The following TMEM132D variants were observed in gnomAD, a reference collection of about 807,000 sequenced individuals.
The protein encoded by TMEM132D is transmembrane protein 132D, also known as mature OL transmembrane protein.
TMEM132D carries 21 observed loss-of-function variants against 62.3 expected under a neutral mutation model. The observed-to-expected ratio is 0.34, with a 90% CI of 0.24 to 0.49. TMEM132D has a LOEUF of 0.49. Among genes scored for constraint, TMEM132D ranks in the 20% least tolerant of loss-of-function variants. The pLI, the probability that TMEM132D is intolerant of heterozygous loss-of-function variation, is 0.99. For missense variants in TMEM132D, 1,346 were observed against 1,402.8 expected (o/e 0.96, Z 0.65); for synonymous variants, 621 against 575.6 (o/e 1.08, Z -1.13).
At chr12:129,529,016 T>C (rs114175746) in intron 3 of TMEM132D, among the ~76,000 whole-genome samples, 1 of 152,250 alleles carries the variant, frequency 6.6e-6, no homozygotes, top group Admixed American at 6.5e-5. Flanking sequence ...ATATATAATA[T>C]GCTGTATGCA....
At chr12:129,443,404 C>T (rs1321255540) in intron 3 of TMEM132D, among the ~76,000 whole-genome samples, 2 of 152,188 alleles carry the variant, frequency 1.3e-5, no homozygotes, top group Admixed American at 6.5e-5. Flanking sequence ...TCAAAAACTG[C>T]TTTATACACA....
intron 3 of TMEM132D, among the ~76,000 whole-genome samples, chr12:129,362,630 G>A (rs1182544831): frequency 6.6e-6 from 1 of 151,544 alleles, no homozygotes; most frequent in East Asian, 1.9e-4. Context: ...CAATTTGTAT[G>A]CCACAGACAC....
chr12:129,688,845 A>C (rs919762573), intron 2 of TMEM132D, among the ~76,000 whole-genome samples: 3 of 152,212 alleles, frequency 2.0e-5, no homozygotes, highest in Non-Finnish European at 4.4e-5. Context: ...ATGTCACCTT[A>C]AATCCAAATG....
intron 1 of TMEM132D, among the ~76,000 whole-genome samples, chr12:129,826,006 G>A (rs1872653462): frequency 6.6e-6 from 1 of 152,162 alleles, no homozygotes; most frequent in African/African-American, 2.4e-5. Context: ...AGGCTGCAGT[G>A]AGCTGTGATT....
At chr12:129,265,919 C>T (rs1044354887) in intron 4 of TMEM132D, among the ~76,000 whole-genome samples, 27 of 152,254 alleles carry the variant, frequency 1.8e-4, no homozygotes, top group South Asian at 4.1e-4. Flanking sequence ...CATTCATGAT[C>T]TCTTCCCAAG....
At chr12:129,614,485 T>G (rs1340782398) in intron 2 of TMEM132D, among the ~76,000 whole-genome samples, 1 of 152,230 alleles carries the variant, frequency 6.6e-6, no homozygotes, top group Non-Finnish European at 1.5e-5. Flanking sequence ...GAGGGTCAGA[T>G]GCAATCACTC....
chr12:129,349,678 C>T (rs1382055222), intron 3 of TMEM132D, among the ~76,000 whole-genome samples: 1 of 152,156 alleles, frequency 6.6e-6, no homozygotes, highest in Non-Finnish European at 1.5e-5. Flanking sequence ...CAAAGATCGG[C>T]AAGTAGGTTA....
In TMEM132D at chr12:129,453,621, C is replaced by T. The variant is rs187348284; in HGVS notation, c.1115+77438G>A. 3.9e-5 allele frequency among the ~76,000 whole-genome samples: 6 copies of T among 152,312 alleles called. 1 individual carries two copies. Among genetic ancestry groups the T allele is most frequent in the Admixed American group, 2.0e-4 (3 of 15,298 alleles). Reference sequence around the variant, plus strand: ...GGATGTGCTGTCTTCTCTCCAACTTCACCTGTGCACGAACGCTGACTGCTG... The same window carrying T: ...GGATGTGCTGTCTTCTCTCCAACTTTACCTGTGCACGAACGCTGACTGCTG... On this transcript the variant is annotated intron_variant, in intron 3 of 8. Transcript: ENST00000422113.
chr12:129,316,551 A>C (rs1022407007), intron 4 of TMEM132D, among the ~76,000 whole-genome samples: 37 of 152,002 alleles, frequency 2.4e-4, no homozygotes, highest in African/African-American at 8.0e-4. Context: ...ATTGAGGCTC[A>C]TTTTTATGCC....
intron 5 of TMEM132D, among the ~76,000 whole-genome samples, chr12:129,133,793 C>T (rs756768869): frequency 8.5e-5 from 13 of 152,326 alleles, no homozygotes; most frequent in African/African-American, 1.7e-4. Flanking sequence ...TTTCCTTGTA[C>T]GCGCCAATTA....
At chr12:129,135,641 C>A (rs139526177) in intron 5 of TMEM132D, among the ~76,000 whole-genome samples, 1 of 119,968 alleles carries the variant, frequency 8.3e-6, no homozygotes, top group South Asian at 3.2e-4. Context: ...AGCTGTGTGC[C>A]TTAGAACAAA....
intron 8 of TMEM132D, among the ~76,000 whole-genome samples, chr12:129,076,671 C>T (rs1202301222): frequency 1.3e-5 from 2 of 152,208 alleles, no homozygotes; most frequent in African/African-American, 4.8e-5. Flanking sequence ...GCCATGAAAT[C>T]TGAGCAGAGC....
At chr12:129,588,612 C>T (rs918949707) in intron 2 of TMEM132D, among the ~76,000 whole-genome samples, 1 of 151,680 alleles carries the variant, frequency 6.6e-6, no homozygotes, top group Non-Finnish European at 1.5e-5. Context: ...TCTTGCTCTG[C>T]CACCCAGGCT....
chr12:129,842,412 T>C (rs1247539438), intron 1 of TMEM132D, among the ~76,000 whole-genome samples: 3 of 152,124 alleles, frequency 2.0e-5, no homozygotes, highest in African/African-American at 7.2e-5. Flanking sequence ...CTCTTTCCGA[T>C]GTCTTGCCAA....
intron 3 of TMEM132D, among the ~76,000 whole-genome samples, chr12:129,448,073 T>C (rs1044289656): frequency 6.6e-6 from 1 of 152,194 alleles, no homozygotes; most frequent in Non-Finnish European, 1.5e-5. Context: ...AATGAATGCA[T>C]GAGGGAATAT....
At chr12:129,850,969 C>G (rs1409385980) in intron 1 of TMEM132D, among the ~76,000 whole-genome samples, 3 of 152,144 alleles carry the variant, frequency 2.0e-5, no homozygotes, top group Non-Finnish European at 2.9e-5. Context: ...GGATGAACAT[C>G]CAGTCATCAG....
rs546957662 is a variant in TMEM132D at position 129,325,308 on chromosome 12, A to G, written c.1299+12326T>C. Among the ~76,000 whole-genome samples the G allele has an allele frequency of 2.5e-4, 38 of 152,340 alleles. No individual in the cohort carries two copies. The South Asian group carries it at 3.9e-3, about 16-fold the overall frequency. ...AAATACCATGGAGAAAAGGTAAGTG[A>G]GGATAAGGGAATACAGAATGTGGCA... On this transcript the variant is annotated intron_variant, in intron 4 of 8. Coordinates refer to ENST00000422113, the MANE Select transcript of TMEM132D (RefSeq NM_133448.3).
chr12:129,252,560 T>C (rs1880297043), intron 4 of TMEM132D, among the ~76,000 whole-genome samples: 1 of 152,178 alleles, frequency 6.6e-6, no homozygotes, highest in African/African-American at 2.4e-5. Context: ...TGAGAGGATG[T>C]GGAGAAATAG....
chr12:129,141,868 A>T (rs1593274726), intron 5 of TMEM132D, among the ~76,000 whole-genome samples: 1 of 152,002 alleles, frequency 6.6e-6, no homozygotes, highest in Admixed American at 6.6e-5. Context: ...CCTCAGTATC[A>T]TGCAATATAC....
Sources: allele counts gnomAD v4.1 joint callset (sites outside exome capture counted in the v4.1 genomes callset), GRCh38; gene constraint gnomAD v4.1.1; transcripts MANE v1.5; gene names NCBI Gene and HGNC (gene_info 2026-07-23, HGNC 2026-07-21).